Variants in LIMA1 observed in about 807,000 individuals in gnomAD.
LIMA1 encodes the protein LIM domain and actin-binding protein 1.
LIMA1 carries 52 observed loss-of-function variants against 62.6 expected under a neutral mutation model. The ratio of observed to expected loss-of-function variants is 0.83; its 90% CI spans 0.67 to 1.05. The LOEUF (loss-of-function observed/expected upper bound fraction) is 1.05, where lower values mean the gene tolerates loss of function less well. LIMA1 is among the 50% of genes least tolerant of loss of function. The probability of loss-of-function intolerance (pLI) is 0.00; values close to 1 mark genes in which losing one functional copy is unlikely to be tolerated. For synonymous variants in LIMA1, 302 were observed against 317.8 expected (o/e 0.95, Z 0.53); for missense variants, 780 against 902.2 (o/e 0.86, Z 1.74).
chr12:50,200,636 C>A (rs1305178377), intron 7 of LIMA1, 141 bp downstream of exon 7: 1 of 885,698 alleles, frequency 1.1e-6, no homozygotes, highest in Non-Finnish European at 1.8e-6. Context: ...ATGTGACCTG[C>A]AAAAATGGCA....
intron 1 of LIMA1, among the ~76,000 whole-genome samples, chr12:50,273,067 A>C (rs974997977): frequency 6.6e-6 from 1 of 151,418 alleles, no homozygotes; most frequent in African/African-American, 2.4e-5. Flanking sequence ...AAAAAAAAGA[A>C]TTGGTTATAA....
intron 4 of LIMA1, among the ~76,000 whole-genome samples, chr12:50,220,915 A>G (rs1443493332): frequency 6.6e-6 from 1 of 152,214 alleles, no homozygotes; most frequent in South Asian, 2.1e-4. Context: ...GTAGCTTTAC[A>G]CATCGTCAAA....
At chr12:50,246,667 C>T (rs1446087554) in intron 2 of LIMA1, among the ~76,000 whole-genome samples, 5 of 152,152 alleles carry the variant, frequency 3.3e-5, no homozygotes, top group African/African-American at 4.8e-5. Flanking sequence ...GCAGAGCATC[C>T]GAGGTCTTCC....
chr12:50,231,820 T>C (rs1308807733), intron 2 of LIMA1, 110 bp from the exon 3 acceptor site: 2 of 1,000,566 alleles, frequency 2.0e-6, no homozygotes, highest in South Asian at 1.4e-5. Context: ...CAGGCTGCAG[T>C]GCAGTGGTGC....
At chr12:50,208,721 C>T (rs866531617) in intron 4 of LIMA1, among the ~76,000 whole-genome samples, 46 of 151,880 alleles carry the variant, frequency 3.0e-4, no homozygotes, top group African/African-American at 1.0e-3. Flanking sequence ...TATAATTTGT[C>T]TCCTTGCTGG....
intron 8 of LIMA1, among the ~76,000 whole-genome samples, chr12:50,194,776 G>A (rs555687719): frequency 2.6e-5 from 4 of 151,962 alleles, no homozygotes; most frequent in South Asian, 4.2e-4. Context: ...GGCCAGGCAC[G>A]GTGGCTCACG....
chr12:50,256,401 TTC>T (rs1941998053), intron 1 of LIMA1: 1 of 152,048 alleles, frequency 6.6e-6, no homozygotes, highest in South Asian at 2.1e-4. Context: ...AGTACAAGAG[TTC>T]CCATATACAT....
At chr12:50,197,316 C>T (rs944953805) in intron 7 of LIMA1, among the ~76,000 whole-genome samples, 3 of 151,952 alleles carry the variant, frequency 2.0e-5, no homozygotes, top group African/African-American at 4.8e-5. Flanking sequence ...GTAATCTGCC[C>T]ACCTTGGCCT....
chr12:50,281,799 A>T (rs1483030627), intron 1 of LIMA1, among the ~76,000 whole-genome samples: 1 of 152,234 alleles, frequency 6.6e-6, no homozygotes, highest in Non-Finnish European at 1.5e-5. Flanking sequence ...TTTTAAGGAA[A>T]AGCAGAAGAG....
At chr12:50,180,494 G>C (rs1164857176) in intron 10 of LIMA1, among the ~76,000 whole-genome samples, 1 of 151,718 alleles carries the variant, frequency 6.6e-6, no homozygotes, top group Admixed American at 6.6e-5. Context: ...AACCAGATGG[G>C]GTCTCTCTAT....
At chr12:50,184,015 A>C (rs1006178724) in intron 9 of LIMA1, among the ~76,000 whole-genome samples, 1 of 152,240 alleles carries the variant, frequency 6.6e-6, no homozygotes, top group Non-Finnish European at 1.5e-5. Flanking sequence ...AATTAGTGGT[A>C]AACTCCCAAG....
intron 9 of LIMA1, chr12:50,190,321 T>A (rs1004019537): frequency 1.3e-5 from 2 of 151,802 alleles, no homozygotes; most frequent in Non-Finnish European, 2.9e-5. Flanking sequence ...CCTCAATTCT[T>A]AATATCTAAT....
intron 7 of LIMA1, among the ~76,000 whole-genome samples, chr12:50,197,361 C>T (rs897971728): frequency 6.6e-6 from 1 of 151,654 alleles, no homozygotes; most frequent in African/African-American, 2.4e-5. Context: ...TGAGCCACCT[C>T]GCCAGGCACA....
chr12:50,199,794 C>A (rs188130011), intron 7 of LIMA1, among the ~76,000 whole-genome samples: 9 of 152,284 alleles, frequency 5.9e-5, no homozygotes, highest in African/African-American at 1.9e-4. Flanking sequence ...ATATGAGTAT[C>A]TGAAGATAAT....
intron 7 of LIMA1, among the ~76,000 whole-genome samples, chr12:50,199,197 G>A (rs1312757320): frequency 6.6e-6 from 1 of 152,154 alleles, no homozygotes; most frequent in African/African-American, 2.4e-5. Flanking sequence ...CAGGCATGGT[G>A]GCACGTACCC....
At chr12:50,279,100 G>T (rs1942308682) in intron 1 of LIMA1, among the ~76,000 whole-genome samples, 2 of 150,944 alleles carry the variant, frequency 1.3e-5, no homozygotes. Flanking sequence ...CTGCCTCCTG[G>T]GTTCAAGGGA....
intron 8 of LIMA1, among the ~76,000 whole-genome samples, chr12:50,193,666 A>ATATATAT (rs1555204645): frequency 5.0e-5 from 3 of 60,032 alleles, no homozygotes; most frequent in African/African-American, 2.2e-4. Flanking sequence ...ATATATATAT[A>ATATATAT]TTTTTTTTTT....
At chr12:50,225,742 G>A (rs1039575906) in intron 3 of LIMA1, among the ~76,000 whole-genome samples, 1 of 152,062 alleles carries the variant, frequency 6.6e-6, no homozygotes, top group Non-Finnish European at 1.5e-5. Flanking sequence ...AGTAGAGACG[G>A]GGTTTCACCA....
At chr12:50,231,851 T>G in intron 2 of LIMA1, 141 bp from the exon 3 acceptor site, 1 of 724,558 alleles carries the variant, frequency 1.4e-6, no homozygotes, top group Non-Finnish European at 2.3e-6. Context: ...CACTGCAACT[T>G]CTACCTCCCG....
Sources: gnomAD v4.1 joint callset for allele counts (sites outside exome capture counted in the v4.1 genomes callset) on GRCh38, gnomAD v4.1.1 for gene constraint, MANE v1.5 for transcripts, NCBI Gene and HGNC (gene_info 2026-07-23, HGNC 2026-07-21) for gene names.